Variants in LOC128031835 observed in about 807,000 individuals in gnomAD.
At chr6:53,065,634 C>A in the LOC128031835 span, 1 of 902,660 alleles carries the variant, frequency 1.1e-6, no homozygotes, top group Non-Finnish European at 1.5e-6. Context: ...GCAGTTATTG[C>A]CGCTGCCTGG....
the LOC128031835 span, chr6:53,065,671 TA>T: frequency 8.0e-7 from 1 of 1,251,016 alleles, no homozygotes; most frequent in South Asian, 1.8e-5. Context: ...AGAACTCTGC[TA>T]AGCTCCGCTG....
chr6:53,065,630 A>T, the LOC128031835 span: 1 of 859,200 alleles, frequency 1.2e-6, no homozygotes, highest in Non-Finnish European at 1.6e-6. Flanking sequence ...GCCCGCAGTT[A>T]TTGCCGCTGC....
chr6:53,065,647 C>T, the LOC128031835 span: 1 of 996,274 alleles, frequency 1.0e-6, no homozygotes, highest in Non-Finnish European at 1.3e-6. Context: ...CTGCCTGGTG[C>T]GCTTCTCCGA....
the LOC128031835 span, chr6:53,065,660 G>A: frequency 1.7e-6 from 2 of 1,151,172 alleles, no homozygotes; most frequent in Non-Finnish European, 2.3e-6. Flanking sequence ...TTCTCCGACC[G>A]AGAACTCTGC....
the LOC128031835 span, chr6:53,065,626 A>G: frequency 1.3e-6 from 1 of 799,832 alleles, no homozygotes; most frequent in Non-Finnish European, 1.7e-6. Flanking sequence ...CCGGGCCCGC[A>G]GTTATTGCCG....
At chr6:53,065,672 A>G in the LOC128031835 span, 1 of 1,250,218 alleles carries the variant, frequency 8.0e-7, no homozygotes, top group Non-Finnish European at 1.0e-6. Flanking sequence ...GAACTCTGCT[A>G]AGCTCCGCTG....
chr6:53,065,641 C>T, the LOC128031835 span: 5 of 952,658 alleles, frequency 5.2e-6, no homozygotes, highest in South Asian at 3.2e-5. Context: ...TTGCCGCTGC[C>T]TGGTGCGCTT....
the LOC128031835 span, chr6:53,065,630 A>G: frequency 3.5e-6 from 3 of 859,082 alleles, no homozygotes; most frequent in South Asian, 1.1e-4. Flanking sequence ...GCCCGCAGTT[A>G]TTGCCGCTGC....
At chr6:53,065,613 A>T in the LOC128031835 span, 1 of 718,208 alleles carries the variant, frequency 1.4e-6, no homozygotes, top group African/African-American at 1.8e-5. Flanking sequence ...TGGCTGCCGT[A>T]CGCCGGGCCC....
At chr6:53,065,669 G>T in the LOC128031835 span, 2 of 1,247,494 alleles carry the variant, frequency 1.6e-6, no homozygotes, top group Non-Finnish European at 2.1e-6. Context: ...CGAGAACTCT[G>T]CTAAGCTCCG....
the LOC128031835 span, chr6:53,065,654 C>T: frequency 9.1e-7 from 1 of 1,094,830 alleles, no homozygotes; most frequent in Non-Finnish European, 1.2e-6. Flanking sequence ...GTGCGCTTCT[C>T]CGACCGAGAA....
chr6:53,065,643 G>A, the LOC128031835 span: 1 of 960,722 alleles, frequency 1.0e-6, no homozygotes, highest in Non-Finnish European at 1.4e-6. Flanking sequence ...GCCGCTGCCT[G>A]GTGCGCTTCT....
the LOC128031835 span, chr6:53,065,658 C>A: frequency 1.8e-6 from 2 of 1,140,768 alleles, no homozygotes; most frequent in South Asian, 2.3e-5. Context: ...GCTTCTCCGA[C>A]CGAGAACTCT....
chr6:53,065,616 C>T, the LOC128031835 span: 25 of 742,466 alleles, frequency 3.4e-5, no homozygotes, highest in Non-Finnish European at 4.3e-5. Context: ...CTGCCGTACG[C>T]CGGGCCCGCA....
the LOC128031835 span, chr6:53,065,641 C>A: frequency 1.0e-6 from 1 of 952,660 alleles, no homozygotes. Context: ...TTGCCGCTGC[C>A]TGGTGCGCTT....
chr6:53,065,635 C>A, the LOC128031835 span: 1 of 908,538 alleles, frequency 1.1e-6, no homozygotes, highest in Non-Finnish European at 1.5e-6. Flanking sequence ...CAGTTATTGC[C>A]GCTGCCTGGT....
At chr6:53,065,664 A>G in the LOC128031835 span, 1 of 1,165,900 alleles carries the variant, frequency 8.6e-7, no homozygotes, top group Non-Finnish European at 1.1e-6. Context: ...CCGACCGAGA[A>G]CTCTGCTAAG....
chr6:53,065,651 T>A, the LOC128031835 span: 24 of 1,057,300 alleles, frequency 2.3e-5, no homozygotes, highest in Non-Finnish European at 3.0e-5. Flanking sequence ...CTGGTGCGCT[T>A]CTCCGACCGA....
the LOC128031835 span, chr6:53,065,639 G>C: frequency 3.2e-6 from 3 of 934,536 alleles, no homozygotes; most frequent in Admixed American, 4.1e-5. Flanking sequence ...TATTGCCGCT[G>C]CCTGGTGCGC....
Sources: gnomAD v4.1 joint callset for allele counts on GRCh38, gnomAD v4.1.1 for gene constraint, MANE v1.5 for transcripts.